Variants in CABLES1 observed in about 807,000 individuals in gnomAD.
CABLES1 encodes the protein Cdk5 and Abl enzyme substrate 1, also known as CDK5 and ABL1 enzyme substrate 1.
Under a neutral mutation model 57.8 loss-of-function variants are expected in CABLES1, and 36 were observed. That is an observed-to-expected ratio of 0.62 (90% CI 0.48 to 0.82). The LOEUF (loss-of-function observed/expected upper bound fraction) is 0.82, where lower values mean the gene tolerates loss of function less well. Ranked by LOEUF, CABLES1 falls within the 40% of genes least tolerant of loss-of-function variation. The pLI, the probability that CABLES1 is intolerant of heterozygous loss-of-function variation, is 0.00. For synonymous variants in CABLES1, 374 were observed against 363.0 expected, an observed-to-expected ratio of 1.03 and a Z score of -0.35; for missense variants, 767 against 836.6, an observed-to-expected ratio of 0.92 and a Z score of 1.03.
At chr18:23,247,968 T>C (rs929848693) in intron 7 of CABLES1, among the ~76,000 whole-genome samples, 1 of 152,196 alleles carries the variant, frequency 6.6e-6, no homozygotes, top group Non-Finnish European at 1.5e-5. Flanking sequence ...AGGGCCTAGC[T>C]TGGATTTTTC....
chr18:23,145,952 A>C (rs2046889419), intron 1 of CABLES1, among the ~76,000 whole-genome samples: 1 of 152,230 alleles, frequency 6.6e-6, no homozygotes, highest in Non-Finnish European at 1.5e-5. Context: ...TGTGTGTGCA[A>C]GAGGGACCCA....
intron 1 of CABLES1, among the ~76,000 whole-genome samples, chr18:23,168,131 A>G (rs1217831927): frequency 6.6e-6 from 1 of 152,198 alleles, no homozygotes; most frequent in South Asian, 2.1e-4. Context: ...CTTTCAGAGT[A>G]GGGAAAAAGC....
chr18:23,186,333 T>A (rs539654041), intron 1 of CABLES1, among the ~76,000 whole-genome samples: 1 of 152,292 alleles, frequency 6.6e-6, no homozygotes, highest in East Asian at 1.9e-4. Flanking sequence ...GGACTTCACA[T>A]GTGTCCCTTT....
At chr18:23,149,134 T>C (rs1349452587) in intron 1 of CABLES1, among the ~76,000 whole-genome samples, 1 of 152,152 alleles carries the variant, frequency 6.6e-6, no homozygotes, top group Non-Finnish European at 1.5e-5. Context: ...TCTCAGGTGA[T>C]CCACCTGCCT....
intron 4 of CABLES1, among the ~76,000 whole-genome samples, chr18:23,233,348 C>T (rs2047579880): frequency 6.6e-6 from 1 of 152,148 alleles, no homozygotes; most frequent in Admixed American, 6.5e-5. Context: ...ATAGGTCCAT[C>T]TTGCATCTCC....
At chr18:23,253,966 G>C (rs753087925) in intron 9 of CABLES1, 30 bp downstream of exon 9, 2 of 1,589,972 alleles carry the variant, frequency 1.3e-6, no homozygotes, top group Non-Finnish European at 1.7e-6. Flanking sequence ...GTGGCTGGAG[G>C]AGCACATGCT....
At chr18:23,223,771 C>T (rs1485026283) in intron 4 of CABLES1, among the ~76,000 whole-genome samples, 1 of 152,000 alleles carries the variant, frequency 6.6e-6, no homozygotes, top group Admixed American at 6.6e-5. Flanking sequence ...TTGCCAGGCC[C>T]TTCTGAAGCC....
At chr18:23,149,377 G>A (rs2144958756) in intron 1 of CABLES1, among the ~76,000 whole-genome samples, 1 of 152,232 alleles carries the variant, frequency 6.6e-6, no homozygotes, top group South Asian at 2.1e-4. Context: ...TGCCTCCAGG[G>A]CTTGAGCCAC....
chr18:23,246,536 C>T (rs948381781), intron 7 of CABLES1, among the ~76,000 whole-genome samples: 10 of 151,902 alleles, frequency 6.6e-5, no homozygotes, highest in African/African-American at 1.9e-4. Context: ...GGACTACAGG[C>T]ACCCGCCACC....
At chr18:23,224,893 G>C (rs2047516934) in intron 4 of CABLES1, among the ~76,000 whole-genome samples, 1 of 151,036 alleles carries the variant, frequency 6.6e-6, no homozygotes, top group African/African-American at 2.4e-5. Context: ...TTTTGAGAAA[G>C]GTCTCACTGT....
In CABLES1 at chr18:23,177,203, G is replaced by A. The variant is rs544772464; in HGVS notation, c.846-11635G>A. Among the ~76,000 whole-genome samples the A allele has an allele frequency of 2.6e-5, 4 of 152,202 alleles. No homozygotes were observed. The South Asian group carries it at 8.3e-4, about 32-fold the overall frequency. On this transcript the variant is annotated intron_variant, in intron 1 of 9. Transcript: ENST00000256925. ...AGTGAGCCCTCACAGTGACTGGGGA[G>A]GAAGCGAGACGGCTCCAGCACAGGC...
At position 23,250,081 on chromosome 18, in the gene CABLES1, A is replaced by G. The variant is rs528841394; in HGVS notation, c.1447-2879A>G. Among the ~76,000 whole-genome samples the G allele has an allele frequency of 1.4e-4, 22 of 152,310 alleles. 1 individual carries two copies. In the East Asian group the frequency reaches 3.1e-3, roughly 21 times the overall value. The stretch of plus-strand genomic sequence containing the variant: ...GGGAAGTGTTATATCTACAAATAAG[A>G]TGGAGCAAAGCAGAGCTGCTGTGGT... On this transcript the variant is annotated intron_variant, in intron 7 of 9. Transcript: ENST00000256925.
intron 7 of CABLES1, among the ~76,000 whole-genome samples, chr18:23,246,782 C>T (rs986925000): frequency 4.0e-5 from 6 of 151,842 alleles, no homozygotes; most frequent in Admixed American, 3.9e-4. Context: ...ATCTTCATCT[C>T]CCAGGTTCAA....
chr18:23,151,387 C>T (rs1185399482), intron 1 of CABLES1, among the ~76,000 whole-genome samples: 1 of 152,190 alleles, frequency 6.6e-6, no homozygotes, highest in Non-Finnish European at 1.5e-5. Flanking sequence ...GATGTGAGAC[C>T]TCTGGCAGCC....
intron 3 of CABLES1, among the ~76,000 whole-genome samples, chr18:23,208,296 G>T (rs1263954783): frequency 6.6e-6 from 1 of 152,214 alleles, no homozygotes; most frequent in Non-Finnish European, 1.5e-5. Context: ...ACAGTGAGGG[G>T]AGTTGTTCCT....
At chr18:23,245,634 C>G (rs1308360509) in intron 7 of CABLES1, among the ~76,000 whole-genome samples, 1 of 152,230 alleles carries the variant, frequency 6.6e-6, no homozygotes, top group African/African-American at 2.4e-5. Flanking sequence ...TACTCCCACT[C>G]TAGCCCTTCC....
At chr18:23,167,552 G>A (rs992235023) in intron 1 of CABLES1, among the ~76,000 whole-genome samples, 1 of 152,164 alleles carries the variant, frequency 6.6e-6, no homozygotes, top group Non-Finnish European at 1.5e-5. Context: ...TGGGGGATTG[G>A]GGGGAGTACC....
chr18:23,147,575 A>C (rs538775339), intron 1 of CABLES1, among the ~76,000 whole-genome samples: 1 of 152,346 alleles, frequency 6.6e-6, no homozygotes, highest in South Asian at 2.1e-4. Flanking sequence ...TGAGGAGCTG[A>C]TCCTGAACAG....
intron 3 of CABLES1, among the ~76,000 whole-genome samples, chr18:23,196,072 T>TGA (rs960946780): frequency 1.3e-5 from 2 of 152,080 alleles, no homozygotes; most frequent in African/African-American, 4.8e-5. Flanking sequence ...GGTTAGGTAG[T>TGA]GAGAGGATAC....
Sources: gnomAD v4.1 joint callset for allele counts (sites outside exome capture counted in the v4.1 genomes callset) on GRCh38, gnomAD v4.1.1 for gene constraint, MANE v1.5 for transcripts, NCBI Gene and HGNC (gene_info 2026-07-23, HGNC 2026-07-21) for gene names.